The following ELL variants were observed in gnomAD, a reference collection of about 807,000 sequenced individuals.
ELL encodes the protein RNA polymerase II elongation factor ELL.
Under a neutral mutation model 64.0 loss-of-function variants are expected in ELL, and 18 were observed. The observed-to-expected ratio is 0.28, with a 90% CI of 0.19 to 0.42. The LOEUF is 0.42. Ranked by LOEUF, ELL falls within the 10% of genes least tolerant of loss-of-function variation. ELL has a pLI of 1.00. For missense variants in ELL, 797 were observed against 870.4 expected (o/e 0.92, Z 1.06); for synonymous variants, 399 against 376.2 (o/e 1.06, Z -0.70).
chr19:18,449,218 A>G lies in ELL; in HGVS notation c.1465+1259T>C, dbSNP rs1232266755. Among the ~76,000 whole-genome samples, 1 of 152,112 alleles carries G rather than the reference A, an allele frequency of 6.6e-6. No individual in the cohort carries two copies. Among genetic ancestry groups the G allele is most frequent in the Non-Finnish European group, 1.5e-5 (1 of 67,994 alleles). ...CACTGGGCATCCAAGGAAGGGACAC[A>G]GCCCAGAGTGGTCTGTGGACCCTGG... On this transcript the variant is annotated intron_variant, in intron 8 of 11. Coordinates refer to ENST00000262809, the MANE Select transcript of ELL (RefSeq NM_006532.4). This position sits in a 1 kb window ranked among gnomAD's most constrained non-coding sequence, Gnocchi z 4.4.
At chr19:18,469,137 G>A (rs917872228) in intron 2 of ELL, among the ~76,000 whole-genome samples, 1 of 152,184 alleles carries the variant, frequency 6.6e-6, no homozygotes, top group African/African-American at 2.4e-5. Flanking sequence ...GCTGATGCTC[G>A]GGAGAGTGTC....
intron 4 of ELL, among the ~76,000 whole-genome samples, chr19:18,462,526 GGT>G (rs1298400457): frequency 6.6e-6 from 1 of 151,896 alleles, no homozygotes; most frequent in African/African-American, 2.4e-5. Context: ...TGGGACCACA[GGT>G]GTGCACCACC....
At position 18,471,421 on chromosome 19, in the gene ELL, A is replaced by G. The variant is rs996540246; in HGVS notation, c.183+1414T>C. 4 of 408,726 alleles carry G rather than the reference A, an allele frequency of 9.8e-6. No homozygotes were observed. In the Admixed American group the frequency reaches 1.1e-4, roughly 12 times the overall value. 25.3% of individuals were successfully genotyped at this position (408,726 alleles called of 1,614,324 possible). The stretch of plus-strand genomic sequence containing the variant: ...GTGGTGGCTCACCTGTAATCCCAGC[A>G]CTTTGGGAGGCTGCAGCAGGTGGAT... On this transcript the variant is annotated intron_variant, in intron 2 of 11. Transcript: ENST00000262809.
At position 18,461,797 on chromosome 19, in the gene ELL, G is replaced by A; in HGVS notation, c.525C>T (p.Ser175=). 1 of 1,614,134 alleles carries A rather than the reference G, an allele frequency of 6.2e-7. No homozygotes were observed. Among genetic ancestry groups the A allele is most frequent in the South Asian group, 1.1e-5 (1 of 91,090 alleles). ...AGTTGATGGGGGTTGCCCGCTTCCG[G>A]GAGGGCACCGCGTCTGTTGCACCTG... ...PAPGATDAVP[S]RKRATPINLA... Residue 175 remains serine (S), a synonymous_variant, in exon 5 of 12, where the codon TCC becomes TCT. Coordinates refer to ENST00000262809, the MANE Select transcript of ELL (RefSeq NM_006532.4).
chr19:18,465,722 T>C (rs1260279835), intron 3 of ELL, 75 bp downstream of exon 3: 4 of 1,445,582 alleles, frequency 2.8e-6, no homozygotes, highest in Non-Finnish European at 2.7e-6. Flanking sequence ...ATGGGGCACA[T>C]CTCAACCCTG....
intron 6 of ELL, among the ~76,000 whole-genome samples, chr19:18,451,892 G>T (rs899795744): frequency 6.6e-6 from 1 of 152,200 alleles, no homozygotes; most frequent in African/African-American, 2.4e-5. Context: ...CTTTGTGTAG[G>T]TGCCTGCTAC....
intron 1 of ELL, among the ~76,000 whole-genome samples, chr19:18,520,659 G>A (rs1237105831): frequency 6.6e-6 from 1 of 151,930 alleles, no homozygotes; most frequent in Non-Finnish European, 1.5e-5. Flanking sequence ...GTTCGGGGCA[G>A]GAAGAAAGCC....
At chr19:18,463,325 C>CTTTTTTTT (rs34610795) in intron 4 of ELL, among the ~76,000 whole-genome samples, 2 of 73,250 alleles carry the variant, frequency 2.7e-5, no homozygotes, top group East Asian at 3.8e-4. Flanking sequence ...ACATTCACAT[C>CTTTTTTTT]TTTTTTTTTT....
rs573944045 is a variant in ELL at position 18,484,324 on chromosome 19, G to T, written c.136-11442C>A. ...TACTAAAAACACAAACTTTGGCCAG[G>T]CGTGGTGGCAGGTGCCTGAAATTCC... is the stretch of plus-strand genomic sequence containing the variant. On this transcript the variant is annotated intron_variant, in intron 1 of 11. Coordinates refer to ENST00000262809, the MANE Select transcript of ELL (RefSeq NM_006532.4). Among the ~76,000 whole-genome samples, 8 of 152,320 alleles carry T rather than the reference G, an allele frequency of 5.3e-5. No homozygotes were observed. In the South Asian group the frequency reaches 1.7e-3, roughly 32 times the overall value.
rs1016487295 is a variant in ELL at position 18,465,595 on chromosome 19, G to A, written c.306-20C>T. On this transcript the variant is annotated intron_variant, in intron 3 of 11. Coordinates refer to ENST00000262809, the MANE Select transcript of ELL (RefSeq NM_006532.4). ...CCATGACTGCAAGACAAGGCCAGGA[G>A]CTGGGGTCAGCAGCTGGGACAATGC... The A allele has an allele frequency of 1.3e-6, 2 of 1,568,076 alleles. No individual in the cohort carries two copies. Among genetic ancestry groups the A allele is most frequent in the Admixed American group, 1.7e-5 (1 of 57,252 alleles).
At chr19:18,478,868 C>A (rs1041149240) in intron 1 of ELL, among the ~76,000 whole-genome samples, 2 of 152,214 alleles carry the variant, frequency 1.3e-5, no homozygotes, top group African/African-American at 4.8e-5. Flanking sequence ...GCAGCTCCCC[C>A]TCAATGAGGA....
Position 18,522,040 on chromosome 19 carries a change from C to G in ELL, c.16G>C (p.Glu6Gln), listed in dbSNP as rs748120906. The change falls in exon 1 of 12, where the codon GAG becomes CAG. Residue 6 changes from glutamate (E) to glutamine (Q), a missense_variant. By Grantham distance (29) the Glu-to-Gln change is conservative. Coordinates refer to ENST00000262809, the MANE Select transcript of ELL (RefSeq NM_006532.4). ...CACGACAGCCCGTAGCTCCTATCCTCCTTCAGCGCCGCCATCTTGCGACCA... is the reference window on the plus strand; with the variant it reads ...CACGACAGCCCGTAGCTCCTATCCTGCTTCAGCGCCGCCATCTTGCGACCA... MAALK[E>Q]DRSYGLSCGR... 6.2e-7 allele frequency: 1 copy of G among 1,604,870 alleles called. No individual in the cohort carries two copies. The highest frequency in any genetic ancestry group is 8.5e-7 in the Non-Finnish European group (1 of 1,174,806).
Position 18,459,242 on chromosome 19 carries a change from G to C in ELL, c.745-913C>G, listed in dbSNP as rs34171591. Among the ~76,000 whole-genome samples, 187 of 152,262 alleles carry C rather than the reference G, an allele frequency of 1.2e-3. 3 individuals carry two copies. The South Asian group carries it at 0.013, about 11-fold the overall frequency. On this transcript the variant is annotated intron_variant, in intron 5 of 11. Transcript: ENST00000262809. ...CACGGCTGGGGATGCTGGGTGAGGG[G>C]TACCTCTGGGGCCACGTCTGAGCCC...
intron 1 of ELL, among the ~76,000 whole-genome samples, chr19:18,509,593 G>GCGCGCGCGCGCGCGCACA (rs1438642062): frequency 7.2e-5 from 6 of 83,240 alleles, no homozygotes; most frequent in Admixed American, 1.4e-4. Flanking sequence ...GCGCGCGCGC[G>GCGCGCGCGCGCGCGCACA]CACATACACA....
chr19:18,511,743 G>A (rs2144976936), intron 1 of ELL, among the ~76,000 whole-genome samples: 1 of 152,252 alleles, frequency 6.6e-6, no homozygotes, highest in East Asian at 1.9e-4. Flanking sequence ...AGCTGGCCAG[G>A]CACAGTGGCT....
At chr19:18,508,026 G>A (rs1420543328) in intron 1 of ELL, among the ~76,000 whole-genome samples, 2 of 152,196 alleles carry the variant, frequency 1.3e-5, no homozygotes, top group Admixed American at 6.5e-5. Context: ...TCACATACAG[G>A]TCACAAATAA....
chr19:18,446,498 G>A lies in ELL; in HGVS notation c.1533-18C>T. The A allele has an allele frequency of 6.2e-7, 1 of 1,607,602 alleles. No homozygotes were observed. The highest frequency in any genetic ancestry group is 1.1e-5 in the South Asian group (1 of 90,476). ...CGTACTTCCTGAAACAGGAGAGAGG[G>A]GCCACTGAGTGGAGGCTGGAAGGAC... is the stretch of plus-strand genomic sequence containing the variant. On this transcript the variant is annotated intron_variant, in intron 9 of 11. Transcript: ENST00000262809.
chr19:18,447,707 GT>G (rs1401597000), intron 8 of ELL, among the ~76,000 whole-genome samples: 1 of 152,140 alleles, frequency 6.6e-6, no homozygotes, highest in Non-Finnish European at 1.5e-5. Flanking sequence ...AATTTAGTGC[GT>G]TTTCTAGACC....
At chr19:18,462,385 G>GA (rs1185543873) in intron 4 of ELL, among the ~76,000 whole-genome samples, 1 of 74,486 alleles carries the variant, frequency 1.3e-5, no homozygotes, top group African/African-American at 6.9e-5. Flanking sequence ...GGCGGGGGGG[G>GA]AAGGATTGTT....
Sources: gnomAD v4.1 joint callset for allele counts (sites outside exome capture counted in the v4.1 genomes callset) on GRCh38, gnomAD v4.1.1 for gene constraint, Gnocchi (gnomAD v3.1) non-coding constraint, MANE v1.5 for transcripts, NCBI Gene and HGNC (gene_info 2026-07-23, HGNC 2026-07-21) for gene names.